EPM2A: variants seen among roughly 807,000 people sequenced by gnomAD.
EPM2A encodes the protein laforin.
EPM2A carries 21 observed loss-of-function variants against 26.5 expected under a neutral mutation model. The observed-to-expected ratio is 0.79, with a 90% CI of 0.56 to 1.14. EPM2A has a LOEUF of 1.14. EPM2A is among the 50% of genes most tolerant of loss of function. The pLI, the probability that EPM2A is intolerant of heterozygous loss-of-function variation, is 0.00. For missense variants in EPM2A, 458 were observed against 440.8 expected (o/e 1.04, Z -0.35); for synonymous variants, 217 against 177.6 (o/e 1.22, Z -1.76).
intron 2 of EPM2A, among the ~76,000 whole-genome samples, chr6:145,588,861 A>G (rs979667897): frequency 2.6e-5 from 4 of 152,230 alleles, no homozygotes; most frequent in African/African-American, 9.6e-5. Context: ...TGGAGAGAAC[A>G]CATGGTTATT....
chr6:145,734,978 T>C (rs1455467004), intron 1 of EPM2A: 8 of 342,750 alleles, frequency 2.3e-5, no homozygotes, highest in Admixed American at 5.0e-5. Flanking sequence ...TATACGGGTC[T>C]AGGGAATCAG....
chr6:145,514,758 A>C (rs763324201), intron 2 of EPM2A, among the ~76,000 whole-genome samples: 1 of 152,162 alleles, frequency 6.6e-6, no homozygotes, highest in Non-Finnish European at 1.5e-5. Context: ...TCCATACTGC[A>C]CTCGACAGTC....
In EPM2A at chr6:145,735,289, C is replaced by T. The variant is rs878854780; in HGVS notation, c.210G>A (p.Glu70=). Residue 70 remains glutamate (E), a synonymous_variant, in exon 1 of 4, where the codon GAG becomes GAA. Transcript: ENST00000367519. ...CCGGCTCCGCCCCGTCCTGCGCCGC[C>T]TCCTCGGCCGCCAGCTCCACCTCCC... The part of the protein sequence containing the change: ...WLGEVELAAE[E]AAQDGAEPGR... 5 of 1,488,146 alleles carry T rather than the reference C, an allele frequency of 3.4e-6. No homozygotes were observed. The Admixed American group carries it at 8.7e-5, about 26-fold the overall frequency. 92.2% of individuals were successfully genotyped at this position (1,488,146 alleles called of 1,614,324 possible).
chr6:145,558,468 T>A (rs1780760685), intron 2 of EPM2A, among the ~76,000 whole-genome samples: 1 of 152,106 alleles, frequency 6.6e-6, no homozygotes, highest in Admixed American at 6.6e-5. Context: ...TTAGATTATA[T>A]GGTAGTTCTA....
chr6:145,434,825 T>A (rs1414142007), intron 4 of EPM2A, among the ~76,000 whole-genome samples: 1 of 152,176 alleles, frequency 6.6e-6, no homozygotes, highest in Non-Finnish European at 1.5e-5. Flanking sequence ...ATTTTTCCCC[T>A]CTAAATCTCA....
At chr6:145,592,243 G>C (rs1487337655) in intron 2 of EPM2A, among the ~76,000 whole-genome samples, 1 of 141,952 alleles carries the variant, frequency 7.0e-6, no homozygotes, top group Non-Finnish European at 1.5e-5. Context: ...TCCCACCTAT[G>C]AGTGAGAACA....
intron 4 of EPM2A, among the ~76,000 whole-genome samples, chr6:145,456,799 C>A (rs896300048): frequency 2.6e-5 from 4 of 152,138 alleles, no homozygotes; most frequent in Non-Finnish European, 5.9e-5. Context: ...TATTTTTCCA[C>A]TAATTTTCAT....
chr6:145,573,723 TG>T lies in EPM2A; in HGVS notation c.340+61521del, dbSNP rs761513452. Among the ~76,000 whole-genome samples the T allele has an allele frequency of 2.6e-5, 4 of 152,202 alleles. No individual in the cohort carries two copies. In the East Asian group the frequency reaches 7.7e-4, roughly 29 times the overall value. ...CACCCTACCAGTCAGGGAGCCAATG[TG>T]GGGGTTCTGCCAGCTGCTAAGTATG... On this transcript the variant is annotated intron_variant, in intron 2 of 3. Coordinates refer to the EPM2A transcript ENST00000450221.
At chr6:145,649,133 A>C (rs1275731941) in intron 2 of EPM2A, among the ~76,000 whole-genome samples, 4 of 152,204 alleles carry the variant, frequency 2.6e-5, no homozygotes, top group Non-Finnish European at 5.9e-5. Flanking sequence ...GGATTCAATA[A>C]GCAGTTTCCC....
chr6:145,471,817 C>T (rs1779477732), intron 4 of EPM2A, among the ~76,000 whole-genome samples: 1 of 152,046 alleles, frequency 6.6e-6, no homozygotes, highest in South Asian at 2.1e-4. Flanking sequence ...GAAAGTCAGT[C>T]TAAGCCAAAA....
At position 145,554,422 on chromosome 6, in the gene EPM2A, T is replaced by TGACA; in HGVS notation, c.341-51848_341-51847insTGTC. On this transcript the variant is annotated intron_variant, in intron 2 of 3. Coordinates refer to the EPM2A transcript ENST00000450221. ...GATAGATAATAGAGAGATAGATAGATGATAGATAGATAGATAGATAGATAG... is the reference window on the plus strand; with the variant it reads ...GATAGATAATAGAGAGATAGATAGATGACAGATAGATAGATAGATAGATAGATAG... Among the ~76,000 whole-genome samples the TGACA allele has an allele frequency of 2.1e-5, 3 of 146,230 alleles. No individual in the cohort carries two copies. The East Asian group carries it at 6.3e-4, about 31-fold the overall frequency.
chr6:145,636,156 G>C (rs1306575864), intron 2 of EPM2A: 3 of 152,266 alleles, frequency 2.0e-5, no homozygotes, highest in Non-Finnish European at 4.4e-5. Flanking sequence ...TAAAAACTCA[G>C]AAAAATTTTA....
chr6:145,692,815 T>C (rs1017334788), intron 1 of EPM2A, among the ~76,000 whole-genome samples: 1 of 152,158 alleles, frequency 6.6e-6, no homozygotes, highest in African/African-American at 2.4e-5. Context: ...TTGGTTACAA[T>C]AGCCTTGTAG....
chr6:145,729,135 G>C (rs1328645640), intron 1 of EPM2A, among the ~76,000 whole-genome samples: 1 of 152,200 alleles, frequency 6.6e-6, no homozygotes, highest in Non-Finnish European at 1.5e-5. Context: ...AGATTTCAGA[G>C]GATATTTGGA....
chr6:145,488,522 T>TGAGAGAGAGAGAGAGAGAGAGAGAGAGA (rs200590979), intron 4 of EPM2A, among the ~76,000 whole-genome samples: 1 of 139,920 alleles, frequency 7.1e-6, no homozygotes, highest in African/African-American at 2.8e-5. Context: ...TGTGTGTGTG[T>TGAGAGAGAGAGAGAGAGAGAGAGAGAGA]GAGAGAGAGA....
intron 4 of EPM2A, among the ~76,000 whole-genome samples, chr6:145,440,929 A>T (rs1388997036): frequency 4.6e-5 from 7 of 152,290 alleles, no homozygotes; most frequent in Non-Finnish European, 1.0e-4. Context: ...TGGATCTACC[A>T]TTCTGGGGCC....
intron 4 of EPM2A, among the ~76,000 whole-genome samples, chr6:145,460,340 CA>C (rs1779314062): frequency 6.6e-6 from 1 of 152,180 alleles, no homozygotes; most frequent in African/African-American, 2.4e-5. Flanking sequence ...TTGTCACCAA[CA>C]AACTGTATGA....
At chr6:145,471,535 T>G (rs1004516010) in intron 4 of EPM2A, among the ~76,000 whole-genome samples, 1 of 152,030 alleles carries the variant, frequency 6.6e-6, no homozygotes. Context: ...GTAAGACAGT[T>G]CTGAATTGCC....
chr6:145,386,073 A>G (rs1235305619), intron 4 of EPM2A, among the ~76,000 whole-genome samples: 1 of 152,152 alleles, frequency 6.6e-6, no homozygotes, highest in Non-Finnish European at 1.5e-5. Context: ...GTACTTTAGT[A>G]CTAAATTCAA....
Sources: allele counts gnomAD v4.1 joint callset (sites outside exome capture counted in the v4.1 genomes callset), GRCh38; gene constraint gnomAD v4.1.1; transcripts MANE v1.5; gene names NCBI Gene and HGNC (gene_info 2026-07-23, HGNC 2026-07-21).